The following IGF1R variants were observed in gnomAD, a reference collection of about 807,000 sequenced individuals.
The protein encoded by IGF1R is insulin-like growth factor 1 receptor.
Under a neutral mutation model 144.6 loss-of-function variants are expected in IGF1R, and 44 were observed. That is an observed-to-expected ratio of 0.30 (90% CI 0.24 to 0.39). The LOEUF (loss-of-function observed/expected upper bound fraction) is 0.39. Among genes scored for constraint, IGF1R ranks in the 10% least tolerant of loss-of-function variants. IGF1R has a pLI of 1.00. For missense variants in IGF1R, 1,355 were observed against 1,833.7 expected (o/e 0.74, Z 4.77); for synonymous variants, 795 against 722.8 (o/e 1.10, Z -1.60).
intron 8 of IGF1R, among the ~76,000 whole-genome samples, chr15:98,914,011 C>G (rs184402999): frequency 6.6e-6 from 1 of 152,196 alleles, no homozygotes; most frequent in South Asian, 2.1e-4. Context: ...TCTCACAGTT[C>G]CAGAAGCCAC....
At chr15:98,918,838 C>G (rs1183909609) in intron 10 of IGF1R, among the ~76,000 whole-genome samples, 1 of 151,998 alleles carries the variant, frequency 6.6e-6, no homozygotes, top group African/African-American at 2.4e-5. Context: ...GAGATCGCAC[C>G]GTTGCACTCC....
intron 2 of IGF1R, among the ~76,000 whole-genome samples, chr15:98,853,161 T>A (rs2011610895): frequency 1.3e-5 from 2 of 152,212 alleles, no homozygotes; most frequent in East Asian, 1.9e-4. Context: ...ACGATGGGTC[T>A]TGAATCCTTT....
intron 2 of IGF1R, among the ~76,000 whole-genome samples, chr15:98,859,899 G>A (rs1381445849): frequency 6.6e-6 from 1 of 152,152 alleles, no homozygotes; most frequent in Non-Finnish European, 1.5e-5. Context: ...TTGGTTTCAT[G>A]ACCACATGGG....
At chr15:98,899,991 C>T (rs920606544) in intron 5 of IGF1R, among the ~76,000 whole-genome samples, 3 of 152,178 alleles carry the variant, frequency 2.0e-5, no homozygotes, top group Non-Finnish European at 2.9e-5. Context: ...GCGCGACCCT[C>T]ATCTGCCTCA....
At chr15:98,811,363 A>G (rs1567140438) in intron 2 of IGF1R, among the ~76,000 whole-genome samples, 1 of 143,492 alleles carries the variant, frequency 7.0e-6, no homozygotes, top group Admixed American at 7.0e-5. Context: ...CACTAAAAAT[A>G]CAAAAAAAAA....
chr15:98,788,485 A>G lies in IGF1R; in HGVS notation c.640+80378A>G, dbSNP rs542319892. On this transcript the variant is annotated intron_variant, in intron 2 of 20. Transcript: ENST00000650285. ...GTCACTTACCCAAGGTGCAGCAACA[A>G]TTAGTGTCTGTTTACACATAACAGA... 1.1e-3 allele frequency among the ~76,000 whole-genome samples: 170 copies of G among 152,338 alleles called. 2 individuals are homozygous for G. The highest frequency in any genetic ancestry group is 7.5e-3 in the Admixed American group (115 of 15,304).
intron 2 of IGF1R, among the ~76,000 whole-genome samples, chr15:98,879,091 G>A (rs938526904): frequency 1.3e-5 from 2 of 152,232 alleles, no homozygotes; most frequent in African/African-American, 2.4e-5. Context: ...GCCCCAGAAC[G>A]CCGAAGCAGG....
intron 10 of IGF1R, 161 bp downstream of exon 10, chr15:98,917,037 T>A: frequency 1.4e-6 from 1 of 719,712 alleles, no homozygotes; most frequent in Non-Finnish European, 2.5e-6. Flanking sequence ...GTGAAGTGAG[T>A]CCCTGCGGAA....
Position 98,963,138 on chromosome 15 carries a change from G to T in IGF1R, c.*5696G>T. 4.3e-6 allele frequency: 1 copy of T among 230,902 alleles called. No individual in the cohort carries two copies. 14.3% of individuals were successfully genotyped at this position (230,902 alleles called of 1,614,324 possible). ...AACAGAATAATTTTATAAAATGTTT[G>T]TAGTTTATAATTGCCGAAAATAATT... On this transcript the variant is annotated 3_prime_UTR_variant, in exon 21 of 21. Transcript: ENST00000650285.
At chr15:98,751,927 G>A (rs764705518) in intron 2 of IGF1R, among the ~76,000 whole-genome samples, 1 of 152,146 alleles carries the variant, frequency 6.6e-6, no homozygotes, top group Non-Finnish European at 1.5e-5. Context: ...TCAGTCTTCT[G>A]TATAAACAAC....
intron 1 of IGF1R, among the ~76,000 whole-genome samples, chr15:98,664,088 G>A (rs2052666422): frequency 1.3e-5 from 2 of 152,146 alleles, no homozygotes; most frequent in South Asian, 4.1e-4. Flanking sequence ...TGGGAGGGTG[G>A]TATCATTTGG....
At chr15:98,888,510 C>A (rs1013738690) in intron 2 of IGF1R, among the ~76,000 whole-genome samples, 1 of 150,288 alleles carries the variant, frequency 6.7e-6, no homozygotes, top group African/African-American at 2.4e-5. Flanking sequence ...TTTGTGTTAT[C>A]CTCTTCAAGA....
chr15:98,664,853 C>T (rs1293326375), intron 1 of IGF1R, among the ~76,000 whole-genome samples: 1 of 150,008 alleles, frequency 6.7e-6, no homozygotes, highest in Non-Finnish European at 1.5e-5. Context: ...AAGTTATTTA[C>T]TTCCTTTAAA....
intron 6 of IGF1R, among the ~76,000 whole-genome samples, chr15:98,909,661 G>A (rs1261557095): frequency 6.6e-6 from 1 of 152,196 alleles, no homozygotes; most frequent in Admixed American, 6.5e-5. Flanking sequence ...AGGGGGCTCT[G>A]CCCTAAGCGC....
At chr15:98,803,861 T>TATAGTAAATACATAAACCAATAAC (rs2056415431) in intron 2 of IGF1R, among the ~76,000 whole-genome samples, 1 of 152,214 alleles carries the variant, frequency 6.6e-6, no homozygotes, top group Non-Finnish European at 1.5e-5. Flanking sequence ...CTATAAAAAG[T>TATAGTAAATACATAAACCAATAAC]ATAGTAAATA....
Position 98,935,970 on chromosome 15 carries a change from A to G in IGF1R, c.3297+544A>G, listed in dbSNP as rs2016129868. On this transcript the variant is annotated intron_variant, in intron 17 of 20. Transcript: ENST00000650285. The surrounding 1 kb of genome is among the most constrained non-coding windows in gnomAD (Gnocchi z 4.2). ...CACTCTGTCAATAAATGTATGTTAC[A>G]GTTCAAGGTTAAGCTGCCTGGATTC... Among the ~76,000 whole-genome samples, 1 of 152,176 alleles carries G rather than the reference A, an allele frequency of 6.6e-6. No individual in the cohort carries two copies. The highest frequency in any genetic ancestry group is 1.5e-5 in the Non-Finnish European group (1 of 68,040).
intron 2 of IGF1R, among the ~76,000 whole-genome samples, chr15:98,767,651 A>G (rs1792389894): frequency 1.3e-5 from 2 of 152,218 alleles, no homozygotes; most frequent in Admixed American, 1.3e-4. Flanking sequence ...GTTTTTTGAA[A>G]CGGTAGAATT....
Position 98,795,484 on chromosome 15 carries a change from G to A in IGF1R, c.640+87377G>A, listed in dbSNP as rs185305288. The stretch of plus-strand genomic sequence containing the variant: ...GGCTGGAGTGCAGTGGCATGATCTC[G>A]GCTCACTGCAAGCTCCGCCTCCTGG... On this transcript the variant is annotated intron_variant, in intron 2 of 20. Transcript: ENST00000650285. Among the ~76,000 whole-genome samples the A allele has an allele frequency of 3.2e-4, 49 of 152,002 alleles. 1 individual carries two copies. Among genetic ancestry groups the A allele is most frequent in the South Asian group, 1.0e-3 (5 of 4,800 alleles).
intron 15 of IGF1R, 114 bp from the exon 16 acceptor site, chr15:98,934,710 C>G (rs1170764790): frequency 3.4e-6 from 3 of 871,454 alleles, no homozygotes; most frequent in Non-Finnish European, 5.7e-6. Flanking sequence ...TCCTGGTATT[C>G]TCTGTGGGTT....
Sources: allele counts gnomAD v4.1 joint callset (sites outside exome capture counted in the v4.1 genomes callset), GRCh38; gene constraint gnomAD v4.1.1; non-coding constraint Gnocchi (gnomAD v3.1); transcripts MANE v1.5; gene names NCBI Gene and HGNC (gene_info 2026-07-23, HGNC 2026-07-21).